LEMD1: variants seen among roughly 807,000 people sequenced by gnomAD.
LEMD1 encodes the protein LEM domain-containing protein 1.
In LEMD1, 18 loss-of-function variants were observed where a neutral mutation model predicts 17.4. The observed-to-expected ratio is 1.04, with a 90% CI of 0.72 to 1.54. The LOEUF is 1.54. Among genes scored for constraint, LEMD1 ranks in the 40% most tolerant of loss-of-function variants. The pLI, the probability that LEMD1 is intolerant of heterozygous loss-of-function variation, is 0.00. For synonymous variants in LEMD1, 88 were observed against 77.8 expected, an observed-to-expected ratio of 1.13 and a Z score of -0.69; for missense variants, 195 against 210.4, an observed-to-expected ratio of 0.93 and a Z score of 0.45.
chr1:205,448,306 C>G lies in LEMD1; in HGVS notation c.-39+1562G>C, dbSNP rs1310804993. 3.8e-6 allele frequency: 2 copies of G among 530,786 alleles called. No homozygotes were observed. The highest frequency in any genetic ancestry group is 3.9e-5 in the Admixed American group (2 of 51,518). The allele number at this position is 530,786 out of a possible 1,614,324, so 32.9% of individuals were successfully genotyped here. A position where few individuals can be genotyped will look rare whatever the true frequency, so the allele number is the denominator to read the frequency against. On this transcript the variant is annotated intron_variant, in intron 1 of 3. Transcript: ENST00000367154. The surrounding 1 kb of genome is among the most constrained non-coding windows in gnomAD (Gnocchi z 4.7). ...AGGTGCAGCTGCGCAGGAGAAGGAG[C>G]TCGCCCCTCACTGTAGCCCATGGCT...
upstream of LEMD1, among the ~76,000 whole-genome samples, chr1:205,423,557 C>G (rs758340258): frequency 2.6e-5 from 4 of 152,200 alleles, no homozygotes; most frequent in African/African-American, 4.8e-5. Flanking sequence ...AGGATTAAAT[C>G]AGATGATTTC....
chr1:205,401,267 G>A (rs968854052), intron 4 of LEMD1, among the ~76,000 whole-genome samples: 4 of 152,166 alleles, frequency 2.6e-5, no homozygotes, highest in African/African-American at 9.7e-5. Context: ...CCGAGGAATC[G>A]CCACACTGAC....
At chr1:205,426,728 G>A (rs1025373586), upstream of LEMD1, among the ~76,000 whole-genome samples, 2 of 152,186 alleles carry the variant, frequency 1.3e-5, no homozygotes, top group Admixed American at 6.5e-5. Flanking sequence ...ATTTCCCTGA[G>A]GGTGTTTAGG....
intron 4 of LEMD1, among the ~76,000 whole-genome samples, chr1:205,392,175 T>G (rs902473856): frequency 4.0e-5 from 6 of 151,864 alleles, no homozygotes; most frequent in African/African-American, 1.5e-4. Context: ...GACACTGACA[T>G]CAAGATGATA....
chr1:205,420,455 GT>G lies in LEMD1; in HGVS notation c.81del (p.Pro28LeufsTer11). The part of the protein sequence containing the change: ...EKLGFSPGPI[L>X]PSTRKLYEKK... Reference sequence around the variant, plus strand: ...AATATTTGCTGCATACTGTACATACGTAGTATTGGGCCAGGTGAAAATCCAA... The same window carrying G: ...AATATTTGCTGCATACTGTACATACGAGTATTGGGCCAGGTGAAAATCCAA... On this transcript the variant is annotated frameshift_variant and splice_region_variant, in exon 2 of 6. Transcript: ENST00000367153. LOFTEE classifies it high-confidence loss of function. 1 of 1,610,288 alleles carries G rather than the reference GT, an allele frequency of 6.2e-7. No homozygotes were observed. The highest frequency in any genetic ancestry group is 8.5e-7 in the Non-Finnish European group (1 of 1,176,712).
chr1:205,392,043 G>A lies in LEMD1; in HGVS notation c.271-7679C>T, dbSNP rs1478402704. On this transcript the variant is annotated intron_variant, in intron 4 of 5. Coordinates refer to ENST00000367153, the MANE Select transcript of LEMD1 (RefSeq NM_001199050.2). ...GGAGGATTGCTTGAACCCGGGAGGC[G>A]GAGGTTTAAATGAGCCAAGATCACA... Among the ~76,000 whole-genome samples the A allele has an allele frequency of 4.6e-5, 7 of 151,454 alleles. No individual in the cohort carries two copies. The South Asian group carries it at 8.4e-4, about 18-fold the overall frequency.
chr1:205,449,752 GC>G, intron 1 of LEMD1: 1 of 153,000 alleles, frequency 6.5e-6, no homozygotes, highest in Non-Finnish European at 1.5e-5. Context: ...TCTCTCATGG[GC>G]CCCCAGAACC....
At chr1:205,404,602 C>T (rs1276456558) in intron 4 of LEMD1, among the ~76,000 whole-genome samples, 10 of 152,160 alleles carry the variant, frequency 6.6e-5, no homozygotes, top group South Asian at 2.1e-4. Flanking sequence ...TGTCTCTGCA[C>T]GTGAGATGGG....
intron 4 of LEMD1, among the ~76,000 whole-genome samples, chr1:205,399,110 G>A (rs1033166995): frequency 1.3e-5 from 2 of 151,992 alleles, no homozygotes; most frequent in Non-Finnish European, 2.9e-5. Context: ...AGCTACTCGG[G>A]AGGTTGAGGC....
chr1:205,403,712 T>A (rs1436724688), intron 4 of LEMD1, among the ~76,000 whole-genome samples: 1 of 152,186 alleles, frequency 6.6e-6, no homozygotes, highest in Non-Finnish European at 1.5e-5. Context: ...TCAGTTCTGC[T>A]CTGATTTTAG....
At chr1:205,447,002 G>A (rs908755137) in intron 1 of LEMD1, among the ~76,000 whole-genome samples, 6 of 152,344 alleles carry the variant, frequency 3.9e-5, no homozygotes, top group African/African-American at 1.4e-4. Context: ...TTGGGCCACG[G>A]GGCCAATTTG....
chr1:205,435,165 T>C (rs1463056542), intron 1 of LEMD1: 1 of 152,188 alleles, frequency 6.6e-6, no homozygotes, highest in African/African-American at 2.4e-5. Flanking sequence ...GTCGCCAGGG[T>C]TGTGGTCTTG....
chr1:205,414,624 G>A (rs2102423054), intron 4 of LEMD1, among the ~76,000 whole-genome samples: 1 of 151,900 alleles, frequency 6.6e-6, no homozygotes, highest in Admixed American at 6.6e-5. Flanking sequence ...GGTCTCCCTA[G>A]GTTGCCCAGG....
At chr1:205,400,851 C>G (rs1165031631) in intron 4 of LEMD1, among the ~76,000 whole-genome samples, 1 of 118,468 alleles carries the variant, frequency 8.4e-6, no homozygotes, top group Non-Finnish European at 1.8e-5. Context: ...CCTCCCCCCC[C>G]CCACCCCACA....
At chr1:205,404,209 C>T (rs1291378829) in intron 4 of LEMD1, among the ~76,000 whole-genome samples, 1 of 152,106 alleles carries the variant, frequency 6.6e-6, no homozygotes, top group Non-Finnish European at 1.5e-5. Flanking sequence ...CTATAGATGT[C>T]TATTAGGTCT....
intron 4 of LEMD1, among the ~76,000 whole-genome samples, chr1:205,400,152 C>A (rs1380294784): frequency 1.3e-5 from 2 of 152,218 alleles, no homozygotes; most frequent in African/African-American, 4.8e-5. Flanking sequence ...GCCTCAATCT[C>A]CCAGGCTCAA....
intron 4 of LEMD1, among the ~76,000 whole-genome samples, chr1:205,413,655 ATT>A (rs35717344): frequency 8.9e-5 from 7 of 78,732 alleles, no homozygotes; most frequent in East Asian, 3.2e-4. Flanking sequence ...ATAAAATGCC[ATT>A]TTTTTTTTTT....
intron 1 of LEMD1, among the ~76,000 whole-genome samples, chr1:205,434,348 A>AAAT (rs1553399155): frequency 2.2e-3 from 313 of 143,154 alleles, no homozygotes; most frequent in African/African-American, 6.7e-3. Flanking sequence ...AGTAAAAAAA[A>AAAT]ATATATATAT....
intron 4 of LEMD1, among the ~76,000 whole-genome samples, chr1:205,415,025 G>A (rs1328469850): frequency 6.6e-6 from 1 of 152,154 alleles, no homozygotes; most frequent in Non-Finnish European, 1.5e-5. Flanking sequence ...CAGGGAGGGG[G>A]CAGTCCAGTA....
Sources: gnomAD v4.1 joint callset for allele counts (sites outside exome capture counted in the v4.1 genomes callset) on GRCh38, gnomAD v4.1.1 for gene constraint, Gnocchi (gnomAD v3.1) non-coding constraint, MANE v1.5 for transcripts, NCBI Gene and HGNC (gene_info 2026-07-23, HGNC 2026-07-21) for gene names.